Variants in ABCA12 observed in about 807,000 individuals in gnomAD.
ABCA12 encodes ATP binding cassette subfamily A member 12.
A neutral mutation model predicts 293.5 loss-of-function variants in ABCA12; 156 were observed. The ratio of observed to expected loss-of-function variants is 0.53; its 90% CI spans 0.47 to 0.61. The LOEUF (loss-of-function observed/expected upper bound fraction) is 0.61, where lower values mean the gene tolerates loss of function less well. ABCA12 is among the 20% of genes least tolerant of loss of function. The pLI is 0.00. For synonymous variants in ABCA12, 1,063 were observed against 1,108.0 expected (o/e 0.96, Z 0.81); for missense variants, 2,797 against 3,090.2 (o/e 0.91, Z 2.25).
intron 14 of ABCA12, 43 bp from the exon 15 acceptor site, chr2:215,015,706 G>A (rs199886366): frequency 1.9e-6 from 3 of 1,574,092 alleles, no homozygotes; most frequent in Non-Finnish European, 1.7e-6. Context: ...TGAATCATTC[G>A]AGAGTCAACT....
intron 1 of ABCA12, among the ~76,000 whole-genome samples, chr2:215,132,332 G>C (rs1381037560): frequency 6.6e-6 from 1 of 151,934 alleles, no homozygotes; most frequent in African/African-American, 2.4e-5. Context: ...AATATAAGTG[G>C]GGTGTTGAAG....
At chr2:215,031,379 A>G (rs1700873737) in intron 9 of ABCA12, among the ~76,000 whole-genome samples, 1 of 152,102 alleles carries the variant, frequency 6.6e-6, no homozygotes, top group Admixed American at 6.5e-5. Flanking sequence ...CGTATGTTGA[A>G]CTCCTAACCC....
intron 11 of ABCA12, 25 bp downstream of exon 11, chr2:215,025,647 GT>G (rs747197822): frequency 2.1e-3 from 2,424 of 1,143,224 alleles, no homozygotes; most frequent in African/African-American, 6.6e-3. Context: ...TTTGTTTTTT[GT>G]TTTTTTTTTA....
At chr2:215,053,755 C>T (rs1006906066) in intron 4 of ABCA12, among the ~76,000 whole-genome samples, 7 of 152,024 alleles carry the variant, frequency 4.6e-5, no homozygotes, top group South Asian at 2.1e-4. Context: ...CATATTTCAA[C>T]GTACAGGAAT....
At chr2:214,945,135 A>AAATT (rs759524223) in intron 48 of ABCA12, 31 bp from the exon 49 acceptor site, 14 of 1,547,504 alleles carry the variant, frequency 9.0e-6, no homozygotes, top group Admixed American at 3.4e-5. Flanking sequence ...AAAATTTATC[A>AAATT]AATTAATTAA....
rs1419545638 is a variant in ABCA12 at position 215,011,959 on chromosome 2, T to A, written c.2121+12A>T. On this transcript the variant is annotated intron_variant, in intron 16 of 52. Transcript: ENST00000272895. ...ATTTTTCAACAAGAACATTACTGGG[T>A]GACTTTGCTACCTGTGTTAATGGAA... 5.6e-6 allele frequency: 9 copies of A among 1,612,880 alleles called. No individual in the cohort carries two copies. The highest frequency in any genetic ancestry group is 7.6e-6 in the Non-Finnish European group (9 of 1,179,508).
At chr2:214,959,446 C>A (rs1407506504) in intron 39 of ABCA12, among the ~76,000 whole-genome samples, 1 of 152,070 alleles carries the variant, frequency 6.6e-6, no homozygotes, top group East Asian at 1.9e-4. Context: ...ACATGTATTA[C>A]ATTTAAATAA....
chr2:215,053,157 A>G (rs1329009806), intron 4 of ABCA12, among the ~76,000 whole-genome samples: 2 of 152,118 alleles, frequency 1.3e-5, no homozygotes, highest in Non-Finnish European at 2.9e-5. Flanking sequence ...GTAATTCCCA[A>G]TGCATCTACA....
intron 4 of ABCA12, 43 bp downstream of exon 4, chr2:215,054,530 T>G: frequency 1.4e-6 from 2 of 1,475,312 alleles, no homozygotes; most frequent in Non-Finnish European, 1.9e-6. Flanking sequence ...CCTTTACTGT[T>G]CCATAAGGCT....
At chr2:215,127,579 T>C (rs1049115212) in intron 1 of ABCA12, among the ~76,000 whole-genome samples, 3 of 152,214 alleles carry the variant, frequency 2.0e-5, no homozygotes, top group Non-Finnish European at 4.4e-5. Flanking sequence ...GCTGTTGCTT[T>C]AAAGTTTGTT....
intron 28 of ABCA12, 94 bp from the exon 29 acceptor site, chr2:214,983,959 C>T (rs529137450): frequency 7.0e-6 from 7 of 997,078 alleles, no homozygotes; most frequent in Non-Finnish European, 9.1e-6. Context: ...GGAAAAAATA[C>T]AGTGTATCTT....
chr2:214,948,545 G>A (rs1376276115), intron 47 of ABCA12, 51 bp downstream of exon 47: 1 of 1,598,534 alleles, frequency 6.3e-7, no homozygotes. Flanking sequence ...GGGGATGGAA[G>A]TAGAAACAAT....
chr2:215,129,399 T>C (rs984689924), intron 1 of ABCA12, among the ~76,000 whole-genome samples: 2 of 152,204 alleles, frequency 1.3e-5, no homozygotes, highest in Non-Finnish European at 1.5e-5. Context: ...GGCTCCACTC[T>C]GACTTTTTAA....
intron 39 of ABCA12, among the ~76,000 whole-genome samples, chr2:214,963,605 CAAAAAAAAA>C (rs57895778): frequency 2.8e-5 from 2 of 70,184 alleles, no homozygotes; most frequent in African/African-American, 5.7e-5. Context: ...GCAGAGATAC[CAAAAAAAAA>C]AAAAAAAAAA....
At position 215,000,776 on chromosome 2, in the gene ABCA12, T is replaced by C. The variant is rs1423944906; in HGVS notation, c.3108A>G (p.Gln1036=). The C allele has an allele frequency of 6.2e-7, 1 of 1,614,146 alleles. No homozygotes were observed. Among genetic ancestry groups the C allele is most frequent in the East Asian group, 2.2e-5 (1 of 44,878 alleles). The part of the protein sequence containing the change: ...DSIERAIIEL[Q]TGRNSQEIAV... ...CTATTTCCTGGGAGTTCCTTCCAGT[T>C]TGCAATTCAATGATTGCTCTTTCAA... Residue 1036 remains glutamine (Q), a synonymous_variant, in exon 22 of 53, where the codon CAA becomes CAG. Transcript: ENST00000272895.
intron 1 of ABCA12, among the ~76,000 whole-genome samples, chr2:215,127,232 T>C (rs1455438721): frequency 6.6e-6 from 1 of 152,164 alleles, no homozygotes; most frequent in Non-Finnish European, 1.5e-5. Flanking sequence ...ATCTTGAAGA[T>C]AGTTCCATGC....
At chr2:214,943,413 C>T (rs922647926) in intron 49 of ABCA12, among the ~76,000 whole-genome samples, 1 of 152,122 alleles carries the variant, frequency 6.6e-6, no homozygotes, top group Non-Finnish European at 1.5e-5. Flanking sequence ...CCACAAAGTG[C>T]AGGGATTACA....
intron 5 of ABCA12, 74 bp from the exon 6 acceptor site, chr2:215,049,885 G>T: frequency 7.1e-7 from 1 of 1,405,084 alleles, no homozygotes; most frequent in Non-Finnish European, 9.8e-7. Flanking sequence ...ATTCTTCAAG[G>T]AATCTAAGCT....
chr2:214,956,686 T>C lies in ABCA12; in HGVS notation c.6210A>G (p.Val2070=), dbSNP rs779028702. The C allele has an allele frequency of 4.3e-6, 7 of 1,613,556 alleles. No homozygotes were observed. Among genetic ancestry groups the C allele is most frequent in the East Asian group, 2.2e-5 (1 of 44,810 alleles). The part of the protein sequence containing the change: ...AFYSENNLGA[V]SLLLLLFGYA... ...ACCCAAACAGGAGAAGTAGGAGAGA[T>C]ACAGCGCCTAGGTTGTTTTCACTGT... The change falls in exon 42 of 53, where the codon GTA becomes GTG. Residue 2070 remains valine (V), a synonymous_variant. Transcript: ENST00000272895.
Sources: gnomAD v4.1 joint callset for allele counts (sites outside exome capture counted in the v4.1 genomes callset) on GRCh38, gnomAD v4.1.1 for gene constraint, MANE v1.5 for transcripts, NCBI Gene and HGNC (gene_info 2026-07-23, HGNC 2026-07-21) for gene names.